MAML3: variants seen among roughly 807,000 people sequenced by gnomAD.
MAML3 encodes the protein mastermind like transcriptional coactivator 3, also known as mastermind-like protein 3.
In MAML3, 27 loss-of-function variants were observed where a neutral mutation model predicts 101.9. The observed-to-expected ratio is 0.27, with a 90% confidence interval of 0.20 to 0.37. The LOEUF is 0.37. MAML3 is among the 10% of genes least tolerant of loss of function. The pLI, the probability that MAML3 is intolerant of heterozygous loss-of-function variation, is 1.00. For synonymous variants in MAML3, 501 were observed against 555.9 expected, an observed-to-expected ratio of 0.90 and a Z score of 1.39; for missense variants, 1,316 against 1,444.9, an observed-to-expected ratio of 0.91 and a Z score of 1.45.
chr4:139,793,024 G>T (rs1216001146), intron 2 of MAML3, among the ~76,000 whole-genome samples: 1 of 152,142 alleles, frequency 6.6e-6, no homozygotes, highest in African/African-American at 2.4e-5. Flanking sequence ...GGGATTACAG[G>T]CGTGAGACAC....
intron 1 of MAML3, among the ~76,000 whole-genome samples, chr4:139,952,704 T>G (rs577009916): frequency 1.1e-4 from 17 of 152,318 alleles, no homozygotes; most frequent in African/African-American, 3.8e-4. Flanking sequence ...ATTTCCCACC[T>G]CCTCTTGCTC....
intron 2 of MAML3, among the ~76,000 whole-genome samples, chr4:139,863,832 G>GTTTTTTTTTTGTTTTTTTTTTT (rs1731835092): frequency 9.0e-6 from 1 of 111,252 alleles, no homozygotes; most frequent in Admixed American, 1.0e-4. Flanking sequence ...CAGAACATGG[G>GTTTTTTTTTTGTTTTTTTTTTT]TTTTTTTTTT....
Position 139,785,637 on chromosome 4 carries a change from G to C in MAML3, c.2080-54970C>G, listed in dbSNP as rs1216624393. On this transcript the variant is annotated intron_variant, in intron 2 of 4. Transcript: ENST00000509479. The surrounding 1 kb of genome is among the most constrained non-coding windows in gnomAD (Gnocchi z 4.3). ...CCCAGCGCCTGGGGCACTGCATGGA[G>C]AGATCTGTCCCTTCATTCACATATC... Among the ~76,000 whole-genome samples the C allele has an allele frequency of 6.6e-6, 1 of 152,178 alleles. No individual in the cohort carries two copies. Among genetic ancestry groups the C allele is most frequent in the East Asian group, 1.9e-4 (1 of 5,186 alleles).
chr4:139,900,415 C>T (rs1223146914), intron 1 of MAML3, among the ~76,000 whole-genome samples: 2 of 152,318 alleles, frequency 1.3e-5, no homozygotes, highest in African/African-American at 2.4e-5. Flanking sequence ...GGGAATGGAT[C>T]GTAAAACATC....
At chr4:139,833,632 C>T (rs1731210266) in intron 2 of MAML3, among the ~76,000 whole-genome samples, 1 of 152,034 alleles carries the variant, frequency 6.6e-6, no homozygotes, top group African/African-American at 2.4e-5. Context: ...AGTTCGAGGC[C>T]CTAAGTTTAC....
At chr4:139,933,791 C>G (rs573793967) in intron 1 of MAML3, among the ~76,000 whole-genome samples, 1 of 152,160 alleles carries the variant, frequency 6.6e-6, no homozygotes, top group Non-Finnish European at 1.5e-5. Flanking sequence ...AGAACCCTTC[C>G]GCTTCCTGAG....
At chr4:139,901,059 G>A (rs1484354200) in intron 1 of MAML3, among the ~76,000 whole-genome samples, 1 of 152,218 alleles carries the variant, frequency 6.6e-6, no homozygotes, top group Non-Finnish European at 1.5e-5. Context: ...TCAAACTGCA[G>A]CAAACCTGCT....
At chr4:140,116,175 C>G (rs1728514272) in intron 1 of MAML3, among the ~76,000 whole-genome samples, 1 of 152,150 alleles carries the variant, frequency 6.6e-6, no homozygotes, top group South Asian at 2.1e-4. Context: ...AGTCTGTTTA[C>G]AAGCACTCCT....
chr4:139,798,785 A>G (rs1730559801), intron 2 of MAML3, among the ~76,000 whole-genome samples: 1 of 152,166 alleles, frequency 6.6e-6, no homozygotes, highest in Non-Finnish European at 1.5e-5. Flanking sequence ...TTACCTCCAA[A>G]ATTAAACAAA....
intron 1 of MAML3, among the ~76,000 whole-genome samples, chr4:140,010,704 C>CA (rs890468225): frequency 6.0e-5 from 9 of 151,246 alleles, no homozygotes; most frequent in Non-Finnish European, 1.2e-4. Flanking sequence ...TCAGTGAAAA[C>CA]AAAAAAAATG....
chr4:139,725,704 C>T (rs1343975175), intron 4 of MAML3, 47 bp downstream of exon 4: 3 of 1,570,416 alleles, frequency 1.9e-6, no homozygotes, highest in Non-Finnish European at 2.6e-6. Context: ...TTCACTTACG[C>T]TTCACCACTG....
chr4:140,068,006 T>C (rs1176003675), intron 1 of MAML3, among the ~76,000 whole-genome samples: 2 of 152,162 alleles, frequency 1.3e-5, no homozygotes, highest in African/African-American at 4.8e-5. Flanking sequence ...GCTGGAATTA[T>C]AGACGTGAGC....
intron 1 of MAML3, among the ~76,000 whole-genome samples, chr4:140,074,437 G>C (rs1727733528): frequency 6.6e-6 from 1 of 152,074 alleles, no homozygotes; most frequent in Admixed American, 6.5e-5. Flanking sequence ...AGTCATACAG[G>C]TTGAACATTT....
At chr4:140,135,378 CAAG>C (rs890029893) in intron 1 of MAML3, among the ~76,000 whole-genome samples, 2 of 152,230 alleles carry the variant, frequency 1.3e-5, no homozygotes, top group African/African-American at 4.8e-5. Flanking sequence ...TTCACTCCTA[CAAG>C]AAGTACTGAG....
chr4:139,762,668 C>T (rs1319954296), intron 2 of MAML3, among the ~76,000 whole-genome samples: 1 of 152,164 alleles, frequency 6.6e-6, no homozygotes, highest in African/African-American at 2.4e-5. Flanking sequence ...GGCAGGCCTC[C>T]TCGAGAAAGT....
At chr4:140,004,109 C>T (rs138153174) in intron 1 of MAML3, among the ~76,000 whole-genome samples, 13 of 152,288 alleles carry the variant, frequency 8.5e-5, no homozygotes, top group African/African-American at 3.1e-4. Context: ...TGTGGATTAG[C>T]GTGTTTATTT....
chr4:139,994,219 A>T (rs1162297503), intron 1 of MAML3, among the ~76,000 whole-genome samples: 1 of 152,152 alleles, frequency 6.6e-6, no homozygotes, highest in Non-Finnish European at 1.5e-5. Flanking sequence ...TCCATTTACT[A>T]AGATCTTTTA....
intron 2 of MAML3, among the ~76,000 whole-genome samples, chr4:139,841,863 G>A (rs983042617): frequency 3.3e-5 from 5 of 152,168 alleles, no homozygotes; most frequent in African/African-American, 7.2e-5. Context: ...ATGTGTCCAC[G>A]GTGAGCAGCG....
At chr4:139,798,610 T>C (rs1040224217) in intron 2 of MAML3, among the ~76,000 whole-genome samples, 10 of 152,194 alleles carry the variant, frequency 6.6e-5, no homozygotes, top group African/African-American at 2.2e-4. Flanking sequence ...GCTCTCCCTA[T>C]GCAATTTACC....
Sources: gnomAD v4.1 joint callset for allele counts (sites outside exome capture counted in the v4.1 genomes callset) on GRCh38, gnomAD v4.1.1 for gene constraint, Gnocchi (gnomAD v3.1) non-coding constraint, MANE v1.5 for transcripts, NCBI Gene and HGNC (gene_info 2026-07-23, HGNC 2026-07-21) for gene names.